DYM: variants seen among roughly 807,000 people sequenced by gnomAD.
DYM encodes the protein dymeclin.
A neutral mutation model predicts 93.1 loss-of-function variants in DYM; 78 were observed. That is an observed-to-expected ratio of 0.84 (90% CI 0.70 to 1.01). The LOEUF (loss-of-function observed/expected upper bound fraction) is 1.01, where lower values mean the gene tolerates loss of function less well. Ranked by LOEUF, DYM falls within the 50% of genes least tolerant of loss-of-function variation. DYM has a pLI of 0.00. For synonymous variants in DYM, 321 were observed against 319.7 expected, an observed-to-expected ratio of 1.00 and a Z score of -0.04; for missense variants, 789 against 845.0, an observed-to-expected ratio of 0.93 and a Z score of 0.82.
At chr18:49,150,150 T>A (rs1184075770) in intron 15 of DYM, among the ~76,000 whole-genome samples, 1 of 152,204 alleles carries the variant, frequency 6.6e-6, no homozygotes, top group Non-Finnish European at 1.5e-5. Context: ...TTACTTCACA[T>A]AGAGGTTTAA....
chr18:49,241,329 T>A (rs1360337825), intron 13 of DYM, among the ~76,000 whole-genome samples: 2 of 152,182 alleles, frequency 1.3e-5, no homozygotes, highest in Non-Finnish European at 2.9e-5. Flanking sequence ...AGGGTCAAAC[T>A]TGGATTTCAA....
intron 13 of DYM, among the ~76,000 whole-genome samples, chr18:49,226,855 C>T (rs1390214478): frequency 6.6e-6 from 1 of 151,942 alleles, no homozygotes; most frequent in Non-Finnish European, 1.5e-5. Context: ...AAAAAAAGAC[C>T]TAAAGCACAT....
At chr18:49,434,499 A>T (rs1440478490) in intron 1 of DYM, among the ~76,000 whole-genome samples, 8 of 152,150 alleles carry the variant, frequency 5.3e-5, no homozygotes, top group African/African-American at 1.9e-4. Context: ...CAGCCTGGGC[A>T]ATAAGAGCTA....
rs982992422 is a variant in DYM at position 49,134,147 on chromosome 18, T to A, written c.1729-15221A>T. ...TTTACTGAAGAATCTGGGTGGTAGG[T>A]ATATGGGCATTTACTGCAACATTTT... On this transcript the variant is annotated intron_variant, in intron 15 of 17. Coordinates refer to ENST00000675505, the MANE Select transcript of DYM (RefSeq NM_001353214.3). Among the ~76,000 whole-genome samples the A allele has an allele frequency of 2.0e-5, 3 of 152,216 alleles. No individual in the cohort carries two copies. The East Asian group carries it at 5.8e-4, about 29-fold the overall frequency.
Position 49,136,453 on chromosome 18 carries a change from G to A in DYM, c.1729-17527C>T, listed in dbSNP as rs1009266275. Among the ~76,000 whole-genome samples, 4 of 152,148 alleles carry A rather than the reference G, an allele frequency of 2.6e-5. No homozygotes were observed. The East Asian group carries it at 7.7e-4, about 29-fold the overall frequency. ...GTTTTTATAATGAATTTAGTCTGGGGGGATAGGACTTAATATGTATAATAT... is the reference window on the plus strand; with the variant it reads ...GTTTTTATAATGAATTTAGTCTGGGAGGATAGGACTTAATATGTATAATAT... On this transcript the variant is annotated intron_variant, in intron 15 of 17. Coordinates refer to ENST00000675505, the MANE Select transcript of DYM (RefSeq NM_001353214.3).
intron 17 of DYM, among the ~76,000 whole-genome samples, chr18:49,059,933 A>G (rs1191944172): frequency 6.6e-6 from 1 of 152,220 alleles, no homozygotes; most frequent in African/African-American, 2.4e-5. Context: ...TTAAACAGGT[A>G]AGAACATTTT....
intron 17 of DYM, among the ~76,000 whole-genome samples, chr18:49,083,476 T>C (rs902758225): frequency 5.3e-5 from 8 of 152,220 alleles, no homozygotes; most frequent in African/African-American, 1.7e-4. Flanking sequence ...TTTCCTGTGA[T>C]GTCTCTGTCT....
At chr18:49,455,218 T>A (rs541721310) in intron 1 of DYM, among the ~76,000 whole-genome samples, 129 of 152,280 alleles carry the variant, frequency 8.5e-4, no homozygotes, top group African/African-American at 3.1e-3. Context: ...CAATCCAAAA[T>A]ATCTATGTCT....
chr18:49,296,290 T>C (rs1412686941), intron 8 of DYM, among the ~76,000 whole-genome samples: 2 of 152,232 alleles, frequency 1.3e-5, no homozygotes, highest in Non-Finnish European at 2.9e-5. Flanking sequence ...AGTTAATTTC[T>C]TCAAAGTTGA....
At chr18:49,443,679 TGA>T (rs1461124817) in intron 1 of DYM, among the ~76,000 whole-genome samples, 3 of 152,132 alleles carry the variant, frequency 2.0e-5, no homozygotes. Flanking sequence ...ATGAGAGCAA[TGA>T]GCAGGAAAAT....
At chr18:49,156,186 A>G (rs756110062) in intron 15 of DYM, among the ~76,000 whole-genome samples, 24 of 152,144 alleles carry the variant, frequency 1.6e-4, no homozygotes, top group Non-Finnish European at 3.4e-4. Context: ...CACTTTTTAT[A>G]TCTTCTTTGG....
At chr18:49,269,344 T>C (rs1443928596) in intron 11 of DYM, among the ~76,000 whole-genome samples, 1 of 152,072 alleles carries the variant, frequency 6.6e-6, no homozygotes, top group Non-Finnish European at 1.5e-5. Flanking sequence ...AACAGAACCC[T>C]TACACACTGT....
intron 2 of DYM, among the ~76,000 whole-genome samples, chr18:49,395,289 A>G (rs1167068230): frequency 6.6e-6 from 1 of 152,250 alleles, no homozygotes; most frequent in South Asian, 2.1e-4. Flanking sequence ...AAAAAAAAAA[A>G]TCCAATTTAA....
chr18:49,222,043 A>G (rs2093382679), intron 13 of DYM, among the ~76,000 whole-genome samples: 2 of 152,054 alleles, frequency 1.3e-5, no homozygotes, highest in African/African-American at 4.8e-5. Flanking sequence ...ATAACTTTAA[A>G]ATGTAGAAAT....
At chr18:49,324,750 C>A (rs1160138155) in intron 8 of DYM, among the ~76,000 whole-genome samples, 1 of 152,088 alleles carries the variant, frequency 6.6e-6, no homozygotes, top group African/African-American at 2.4e-5. Context: ...TTCTTTCTTT[C>A]TATTTTAACT....
intron 16 of DYM, among the ~76,000 whole-genome samples, chr18:49,113,342 T>C (rs1041986953): frequency 6.6e-6 from 1 of 152,196 alleles, no homozygotes; most frequent in Admixed American, 6.5e-5. Flanking sequence ...TCTCTCTTGT[T>C]TGGTGTTATA....
intron 17 of DYM, among the ~76,000 whole-genome samples, chr18:49,094,141 A>G (rs2079335898): frequency 6.6e-6 from 1 of 152,238 alleles, no homozygotes; most frequent in African/African-American, 2.4e-5. Context: ...ATACAGTAAA[A>G]TTCTTAATCC....
At chr18:49,273,044 C>T (rs911803269) in intron 10 of DYM, among the ~76,000 whole-genome samples, 3 of 152,006 alleles carry the variant, frequency 2.0e-5, no homozygotes, top group African/African-American at 7.2e-5. Flanking sequence ...CTAAATCAGA[C>T]AACACATGTA....
At chr18:49,349,685 C>T (rs1213021800) in intron 6 of DYM, among the ~76,000 whole-genome samples, 2 of 152,150 alleles carry the variant, frequency 1.3e-5, no homozygotes, top group African/African-American at 2.4e-5. Context: ...AACTAGGCGC[C>T]GTGACTCAAT....
Sources: gnomAD v4.1 joint callset for allele counts (sites outside exome capture counted in the v4.1 genomes callset) on GRCh38, gnomAD v4.1.1 for gene constraint, MANE v1.5 for transcripts, NCBI Gene and HGNC (gene_info 2026-07-23, HGNC 2026-07-21) for gene names.